The following AGBL2 variants were observed in gnomAD, a reference collection of about 807,000 sequenced individuals.
AGBL2 encodes the protein AGBL carboxypeptidase 2, also known as cytosolic carboxypeptidase 2.
A neutral mutation model predicts 103.0 loss-of-function variants in AGBL2; 87 were observed. The observed-to-expected ratio is 0.84, with a 90% confidence interval of 0.71 to 1.01. AGBL2 has a LOEUF of 1.01. Among genes scored for constraint, AGBL2 ranks in the 50% least tolerant of loss-of-function variants. The pLI is 0.00. For missense variants in AGBL2, 904 were observed against 1,023.5 expected, an observed-to-expected ratio of 0.88 and a Z score of 1.59; for synonymous variants, 335 against 356.7, an observed-to-expected ratio of 0.94 and a Z score of 0.69.
intron 8 of AGBL2, 146 bp from the exon 9 acceptor site, chr11:47,692,402 ATCT>A: frequency 6.9e-5 from 19 of 275,808 alleles, no homozygotes; most frequent in Non-Finnish European, 9.8e-5. Flanking sequence ...GAGACTTTTA[ATCT>A]TTTTTTTTTT....
chr11:47,677,553 A>C (rs1187255882), intron 13 of AGBL2, 152 bp from the exon 14 acceptor site: 1 of 327,852 alleles, frequency 3.1e-6, no homozygotes, highest in Non-Finnish European at 4.8e-6. Context: ...TCCTGGGTTC[A>C]AGCGATTCTC....
chr11:47,686,761 G>A (rs1211897107), intron 10 of AGBL2, among the ~76,000 whole-genome samples: 6 of 151,586 alleles, frequency 4.0e-5, no homozygotes, highest in African/African-American at 1.5e-4. Context: ...AGGAGTTCGA[G>A]ACCAGCCTGA....
At chr11:47,710,242 G>A in intron 4 of AGBL2, 135 bp downstream of exon 4, 1 of 1,046,340 alleles carries the variant, frequency 9.6e-7, no homozygotes, top group Non-Finnish European at 1.4e-6. Context: ...TTAGAGAGAA[G>A]TTTTGAATGG....
intron 13 of AGBL2, among the ~76,000 whole-genome samples, chr11:47,678,325 A>ATTATTTTTTTTT (rs1565026399): frequency 8.6e-6 from 1 of 116,048 alleles, no homozygotes; most frequent in Non-Finnish European, 2.0e-5. Flanking sequence ...ATTTTATTTT[A>ATTATTTTTTTTT]TTTTATTTTA....
intron 8 of AGBL2, among the ~76,000 whole-genome samples, chr11:47,695,684 C>T (rs921979485): frequency 1.4e-5 from 2 of 143,284 alleles, no homozygotes; most frequent in African/African-American, 5.2e-5. Context: ...TAAGGTTGGA[C>T]AATTCACTTG....
intron 17 of AGBL2, among the ~76,000 whole-genome samples, chr11:47,664,374 G>A (rs566897341): frequency 6.6e-6 from 1 of 151,220 alleles, no homozygotes; most frequent in African/African-American, 2.4e-5. Flanking sequence ...AGCCTCCCAA[G>A]TAGCTAGGAC....
At chr11:47,683,025 A>AAAAAGAAGAAGAGAAGAGAAAAAAAG (rs1439549038) in intron 11 of AGBL2, among the ~76,000 whole-genome samples, 1 of 152,080 alleles carries the variant, frequency 6.6e-6, no homozygotes, top group East Asian at 1.9e-4. Context: ...AGAAAGAAAG[A>AAAAAGAAGAAGAGAAGAGAAAAAAAG]AAAAGAAGAA....
rs762428229 is a variant in AGBL2 at position 47,667,070 on chromosome 11, T to C, written c.2341-7A>G. ...AAGCAAATCCTGCCTTTTCCTAGGA[T>C]TGAGTGAAAAGAGAATCTTTTTCAA... On this transcript the variant is annotated splice_polypyrimidine_tract_variant and splice_region_variant and intron_variant, in intron 16 of 18. Coordinates refer to ENST00000525123, the MANE Select transcript of AGBL2 (RefSeq NM_024783.4). The C allele has an allele frequency of 3.8e-6, 6 of 1,569,218 alleles. No individual in the cohort carries two copies. In the African/African-American group the frequency reaches 6.9e-5, roughly 18 times the overall value.
At chr11:47,683,544 G>T (rs1441368185) in intron 11 of AGBL2, among the ~76,000 whole-genome samples, 1 of 151,290 alleles carries the variant, frequency 6.6e-6, no homozygotes, top group Non-Finnish European at 1.5e-5. Flanking sequence ...GCCGAGGTGG[G>T]TGGATCATGA....
intron 16 of AGBL2, 93 bp from the exon 17 acceptor site, chr11:47,667,156 G>A (rs1259024361): frequency 2.0e-5 from 17 of 855,008 alleles, no homozygotes; most frequent in African/African-American, 5.1e-5. Flanking sequence ...CTGAAAGCAC[G>A]TTTGTCTTTA....
intron 11 of AGBL2, among the ~76,000 whole-genome samples, chr11:47,682,663 G>A (rs868224519): frequency 2.0e-5 from 3 of 152,192 alleles, no homozygotes; most frequent in Middle Eastern, 6.8e-3. Flanking sequence ...TTATCACTTG[G>A]AGTTCAATAT....
chr11:47,700,636 G>GT (rs2097494892), intron 7 of AGBL2, among the ~76,000 whole-genome samples: 1 of 151,976 alleles, frequency 6.6e-6, no homozygotes, highest in African/African-American at 2.4e-5. Flanking sequence ...TTCCTTTACG[G>GT]AACTTGAACT....
rs764020196 is a variant in AGBL2, at chr11:47,690,702, C to T, written c.1005G>A (p.Gly335=). The T allele has an allele frequency of 6.2e-7, 1 of 1,613,978 alleles. No homozygotes were observed. The highest frequency in any genetic ancestry group is 8.5e-7 in the Non-Finnish European group (1 of 1,180,024). The part of the protein sequence containing the change: ...LLKPKSLYTV[G]MKPLLYSQLD... Reference sequence around the variant, plus strand: ...ATTGGGAGTACAAGAGTGGCTTCATCCCTACAGTATAAAGACTCTTGGGTT... The same window carrying T: ...ATTGGGAGTACAAGAGTGGCTTCATTCCTACAGTATAAAGACTCTTGGGTT... The change falls in exon 10 of 19, where the codon GGG becomes GGA. Residue 335 remains glycine (G), a synonymous_variant. Transcript: ENST00000525123.
At chr11:47,675,851 C>T (rs1598934125) in intron 14 of AGBL2, among the ~76,000 whole-genome samples, 1 of 152,040 alleles carries the variant, frequency 6.6e-6, no homozygotes, top group African/African-American at 2.4e-5. Context: ...ACAAAAAACA[C>T]AAAAATTAAC....
In AGBL2 at chr11:47,667,040, A is replaced by C. The variant is rs188136612; in HGVS notation, c.2364T>G (p.Thr788=). The C allele has an allele frequency of 6.2e-7, 1 of 1,608,334 alleles. No homozygotes were observed. Among genetic ancestry groups the C allele is most frequent in the African/African-American group, 1.3e-5 (1 of 74,398 alleles). ...TGAAAAAGGTTGGCTGCTTTTGCAG[A>C]GTAGAAGCAAATCCTGCCTTTTCCT... ...DTSEKAGFAS[T]LQKQPTFFKN... Residue 788 remains threonine, a synonymous_variant, in exon 17 of 19, where the codon ACT becomes ACG. Coordinates refer to ENST00000525123, the MANE Select transcript of AGBL2 (RefSeq NM_024783.4).
Position 47,665,838 on chromosome 11 carries a change from C to T in AGBL2, c.2448+1118G>A, listed in dbSNP as rs1257271677. On this transcript the variant is annotated intron_variant, in intron 17 of 18. Transcript: ENST00000525123. ...CAGCCTGGCCAACATGGTGAAACCC[C>T]GTCTGTACTAAAAATAAAAAATTAG... Among the ~76,000 whole-genome samples the T allele has an allele frequency of 3.3e-5, 5 of 151,462 alleles. No homozygotes were observed. The East Asian group carries it at 5.9e-4, about 18-fold the overall frequency.
intron 13 of AGBL2, among the ~76,000 whole-genome samples, chr11:47,678,458 C>G (rs910623149): frequency 2.3e-4 from 35 of 150,302 alleles, no homozygotes; most frequent in Admixed American, 4.7e-4. Context: ...CTCAGCCTCC[C>G]GAGCAGCTGG....
chr11:47,704,921 T>A (rs1325215856), intron 6 of AGBL2, among the ~76,000 whole-genome samples, 193 bp from the exon 7 acceptor site: 2 of 152,236 alleles, frequency 1.3e-5, no homozygotes, highest in Admixed American at 6.5e-5. Flanking sequence ...ACGTTAAAAT[T>A]CTGCACAGTC....
intron 8 of AGBL2, among the ~76,000 whole-genome samples, chr11:47,696,010 C>CAAAAAAAAAAAAAAAAAAAAAAA (rs1171058500): frequency 1.7e-4 from 3 of 17,200 alleles, no homozygotes; most frequent in African/African-American, 5.2e-4. Flanking sequence ...ACTAAAAATA[C>CAAAAAAAAAAAAAAAAAAAAAAA]AAAAAAAAAA....
Sources: gnomAD v4.1 joint callset for allele counts (sites outside exome capture counted in the v4.1 genomes callset) on GRCh38, gnomAD v4.1.1 for gene constraint, MANE v1.5 for transcripts, NCBI Gene and HGNC (gene_info 2026-07-23, HGNC 2026-07-21) for gene names.